DNAH8: variants seen among roughly 807,000 people sequenced by gnomAD.
DNAH8 encodes the protein dynein axonemal heavy chain 8.
A neutral mutation model predicts 562.1 loss-of-function variants in DNAH8; 382 were observed. The ratio of observed to expected loss-of-function variants is 0.68; its 90% CI spans 0.63 to 0.74. DNAH8 has a LOEUF of 0.74. Ranked by LOEUF, DNAH8 falls within the 30% of genes least tolerant of loss-of-function variation. DNAH8 has a pLI of 0.00. For synonymous variants in DNAH8, 1,881 were observed against 1,919.4 expected, an observed-to-expected ratio of 0.98 and a Z score of 0.52; for missense variants, 5,203 against 5,620.4, an observed-to-expected ratio of 0.93 and a Z score of 2.37.
At chr6:38,969,291 C>A (rs1267869111) in intron 82 of DNAH8, among the ~76,000 whole-genome samples, 2 of 151,908 alleles carry the variant, frequency 1.3e-5, no homozygotes, top group African/African-American at 2.4e-5. Flanking sequence ...AATTATACCT[C>A]AATTATAAAG....
At chr6:38,723,974 A>AT (rs112984793) in intron 3 of DNAH8, among the ~76,000 whole-genome samples, 3 of 109,500 alleles carry the variant, frequency 2.7e-5, no homozygotes, top group African/African-American at 1.3e-4. Flanking sequence ...TTTAAATTTA[A>AT]TTAATTAATT....
At chr6:38,773,302 T>A (rs1767755514) in intron 12 of DNAH8, among the ~76,000 whole-genome samples, 1 of 143,968 alleles carries the variant, frequency 6.9e-6, no homozygotes, top group Admixed American at 7.3e-5. Flanking sequence ...CCCACCTGGG[T>A]GTCGCTTTGA....
At chr6:38,840,409 T>G (rs998203529) in intron 33 of DNAH8, among the ~76,000 whole-genome samples, 2 of 152,274 alleles carry the variant, frequency 1.3e-5, no homozygotes, top group South Asian at 2.1e-4. Flanking sequence ...ATGAAATGTA[T>G]CAAATACAAC....
intron 11 of DNAH8, among the ~76,000 whole-genome samples, chr6:38,770,121 A>G (rs914608403): frequency 6.6e-6 from 1 of 152,210 alleles, no homozygotes; most frequent in Non-Finnish European, 1.5e-5. Context: ...TGCGAACTGA[A>G]TAGAGATGTC....
chr6:38,879,575 C>G (rs1351203922), intron 53 of DNAH8, among the ~76,000 whole-genome samples: 1 of 152,200 alleles, frequency 6.6e-6, no homozygotes, highest in Non-Finnish European at 1.5e-5. Flanking sequence ...CTGACAACAT[C>G]TACAAAATAC....
chr6:39,006,706 G>A (rs572999457), intron 88 of DNAH8, among the ~76,000 whole-genome samples: 28 of 152,284 alleles, frequency 1.8e-4, no homozygotes, highest in African/African-American at 6.7e-4. Flanking sequence ...TTTCCAAATT[G>A]CACAGGTAAT....
chr6:38,732,506 CA>C (rs1763729040), intron 4 of DNAH8, among the ~76,000 whole-genome samples: 1 of 152,128 alleles, frequency 6.6e-6, no homozygotes. Flanking sequence ...CTGCAAGCAA[CA>C]GAAATAGGTC....
chr6:38,826,757 A>G (rs1678721), intron 29 of DNAH8, among the ~76,000 whole-genome samples: 32,105 of 152,096 alleles, frequency 0.21, 4,262 homozygotes, highest in African/African-American at 0.37. Flanking sequence ...TTAGAAACCA[A>G]TTATAGGTCT....
chr6:38,852,681 C>G lies in DNAH8; in HGVS notation c.5467-13C>G. 6.3e-7 allele frequency: 1 copy of G among 1,598,560 alleles called. No homozygotes were observed. Among genetic ancestry groups the G allele is most frequent in the Admixed American group, 1.7e-5 (1 of 58,744 alleles). On this transcript the variant is annotated splice_polypyrimidine_tract_variant and intron_variant, in intron 39 of 92. Coordinates refer to ENST00000327475, the MANE Select transcript of DNAH8 (RefSeq NM_001206927.2). ...GTCCAGCCTCATGTGTGACGTTTTC[C>G]TCTGTCTTACAGCCGCATCTCCCTG...
intron 85 of DNAH8, among the ~76,000 whole-genome samples, chr6:38,978,200 G>A (rs540935899): frequency 2.5e-4 from 38 of 152,210 alleles, no homozygotes; most frequent in African/African-American, 8.7e-4. Flanking sequence ...TATTGATTAG[G>A]ATCTCTAAGG....
intron 8 of DNAH8, among the ~76,000 whole-genome samples, chr6:38,750,119 A>G (rs528431025): frequency 1.3e-5 from 2 of 152,264 alleles, no homozygotes; most frequent in Non-Finnish European, 2.9e-5. Flanking sequence ...GGCGTAAGCC[A>G]CCACGCCCTG....
chr6:38,953,783 T>C (rs1361308934), intron 82 of DNAH8, among the ~76,000 whole-genome samples: 1 of 151,938 alleles, frequency 6.6e-6, no homozygotes, highest in South Asian at 2.1e-4. Flanking sequence ...AAAATCTGGA[T>C]AATAAATAAT....
At chr6:38,739,704 G>T (rs1203435342) in intron 7 of DNAH8, among the ~76,000 whole-genome samples, 3 of 152,104 alleles carry the variant, frequency 2.0e-5, no homozygotes, top group Admixed American at 6.6e-5. Flanking sequence ...ATGTCCTTGC[G>T]TTTCTCTTCC....
At chr6:38,830,184 G>T (rs1773707118) in intron 30 of DNAH8, among the ~76,000 whole-genome samples, 2 of 151,696 alleles carry the variant, frequency 1.3e-5, no homozygotes, top group Admixed American at 1.3e-4. Context: ...TTTTCTTCTT[G>T]CTCTGGGTTT....
chr6:38,871,911 G>GAGGT (rs1241729987), intron 49 of DNAH8, among the ~76,000 whole-genome samples: 2 of 152,186 alleles, frequency 1.3e-5, no homozygotes, highest in Non-Finnish European at 2.9e-5. Context: ...AGCAATCTTT[G>GAGGT]AGGTGTAAGT....
chr6:38,725,413 C>G (rs1341633837), intron 3 of DNAH8, among the ~76,000 whole-genome samples: 1 of 151,890 alleles, frequency 6.6e-6, no homozygotes, highest in Admixed American at 6.6e-5. Context: ...CGTCCAGTAT[C>G]CTTATAAGAA....
At chr6:38,741,508 T>C (rs1309802541) in intron 7 of DNAH8, among the ~76,000 whole-genome samples, 2 of 151,820 alleles carry the variant, frequency 1.3e-5, no homozygotes, top group African/African-American at 4.8e-5. Flanking sequence ...CACCTTTAAA[T>C]ATTATGTTTG....
At chr6:38,759,395 G>A (rs1024182979) in intron 10 of DNAH8, among the ~76,000 whole-genome samples, 1 of 152,126 alleles carries the variant, frequency 6.6e-6, no homozygotes, top group African/African-American at 2.4e-5. Context: ...AATTATTCAA[G>A]CATAACGAAA....
rs111701212 is a variant in DNAH8 at position 38,797,301 on chromosome 6, C to G, written c.2901+5627C>G. Among the ~76,000 whole-genome samples, 590 of 152,206 alleles carry G rather than the reference C, an allele frequency of 3.9e-3. 9 individuals carry two copies. Among genetic ancestry groups the G allele is most frequent in the African/African-American group, 0.014 (571 of 41,550 alleles). On this transcript the variant is annotated intron_variant, in intron 21 of 92. Transcript: ENST00000327475. ...TAATCCCAGTGAAAGGAGAGGCCAG[C>G]TAGGCTTCTTAAGTCGAGTAAAGGC...
Sources: allele counts gnomAD v4.1 joint callset (sites outside exome capture counted in the v4.1 genomes callset), GRCh38; gene constraint gnomAD v4.1.1; transcripts MANE v1.5; gene names NCBI Gene and HGNC (gene_info 2026-07-23, HGNC 2026-07-21).